Variants in KLHL26 observed in about 807,000 individuals in gnomAD.
KLHL26 encodes the protein kelch like family member 26, also known as kelch-like protein 26.
KLHL26 carries 4 observed loss-of-function variants against 7.1 expected under a neutral mutation model. The ratio of observed to expected loss-of-function variants is 0.56; its 90% CI spans 0.28 to 1.28. The LOEUF is 1.28. KLHL26 is among the 50% of genes most tolerant of loss of function. The pLI is 0.11. For missense variants in KLHL26, 896 were observed against 924.6 expected (o/e 0.97, Z 0.40); for synonymous variants, 465 against 414.1 (o/e 1.12, Z -1.49).
chr19:18,640,495 T>G (rs11085236), intron 1 of KLHL26, among the ~76,000 whole-genome samples: 107,982 of 150,842 alleles, frequency 0.72, 39,724 homozygotes, highest in African/African-American at 0.9. Flanking sequence ...TTCCCACCTC[T>G]GCCTCCCAAA....
rs1976850088 is a variant in KLHL26, at chr19:18,648,836, G to C, written c.83+11699G>C. 6.6e-6 allele frequency among the ~76,000 whole-genome samples: 1 copy of C among 152,050 alleles called. No individual in the cohort carries two copies. Among genetic ancestry groups the C allele is most frequent in the African/African-American group, 2.4e-5 (1 of 41,400 alleles). On this transcript the variant is annotated intron_variant, in intron 1 of 2. Transcript: ENST00000300976. The surrounding 1 kb of genome is among the most constrained non-coding windows in gnomAD (Gnocchi z 4.9). ...CCACAGCCTGGAGCCAGCTCCTCCT[G>C]CTCTCTCCTCCCCATCCCAGCTCAG...
chr19:18,669,400 C>G lies in KLHL26; in HGVS notation c.*155C>G. 1.6e-6 allele frequency: 1 copy of G among 617,872 alleles called. No individual in the cohort carries two copies. Among genetic ancestry groups the G allele is most frequent in the Non-Finnish European group, 2.8e-6 (1 of 352,610 alleles). The allele number at this position is 617,872 out of a possible 1,614,324, so 38.3% of individuals were successfully genotyped here. On this transcript the variant is annotated 3_prime_UTR_variant, in exon 3 of 3. Coordinates refer to ENST00000300976, the MANE Select transcript of KLHL26 (RefSeq NM_018316.3). ...ATAAGCCCCCCTCCCAGGGGTCCCT[C>G]CCTCCCTCCTTCCCAAAGCAGATCC...
chr19:18,639,824 C>T (rs1367005141), intron 1 of KLHL26, among the ~76,000 whole-genome samples: 1 of 152,128 alleles, frequency 6.6e-6, no homozygotes, highest in Non-Finnish European at 1.5e-5. Context: ...GCAATTAACC[C>T]TGCTCCACCA....
chr19:18,637,116 C>T lies in KLHL26; in HGVS notation c.62C>T (p.Pro21Leu). The T allele has an allele frequency of 2.2e-6, 3 of 1,361,702 alleles. No homozygotes were observed. The highest frequency in any genetic ancestry group is 1.8e-5 in the South Asian group (1 of 55,290). 84.4% of individuals were successfully genotyped at this position (1,361,702 alleles called of 1,614,324 possible). Residue 21 changes from proline to leucine, a missense_variant, in exon 1 of 3, where the codon CCG (proline) becomes CTG (leucine). Physicochemically the swap from Pro to Leu is moderately conservative, Grantham distance 98. Transcript: ENST00000300976. ...AGGGGAFGAG[P>L]GPERPNSTAD... ...GGCGGCGGCGCTTTCGGCGCGGGCC[C>T]GGGCCCCGAGCGCCCGAACAGGTGA...
chr19:18,637,555 G>T (rs1224076822), intron 1 of KLHL26, among the ~76,000 whole-genome samples: 1 of 152,092 alleles, frequency 6.6e-6, no homozygotes, highest in African/African-American at 2.4e-5. Flanking sequence ...AAGGCCCAAG[G>T]CATCCTGGGA....
intron 1 of KLHL26, among the ~76,000 whole-genome samples, chr19:18,644,286 C>T (rs1421664856): frequency 6.6e-6 from 1 of 152,224 alleles, no homozygotes. Context: ...GGATGCACCA[C>T]ATCATCCATT....
intron 1 of KLHL26, among the ~76,000 whole-genome samples, chr19:18,658,515 C>CT (rs1416717738): frequency 6.6e-6 from 1 of 151,836 alleles, no homozygotes; most frequent in East Asian, 1.9e-4. Context: ...CTCTGGGTCT[C>CT]TGTCTCTCCC....
chr19:18,652,411 G>A (rs560420382), intron 1 of KLHL26, among the ~76,000 whole-genome samples: 2 of 152,138 alleles, frequency 1.3e-5, no homozygotes, highest in Non-Finnish European at 2.9e-5. Context: ...TCAATGTGAT[G>A]AAACCTCGTC....
At chr19:18,665,295 AGCC>A (rs2052436578) in intron 2 of KLHL26, among the ~76,000 whole-genome samples, 1 of 151,992 alleles carries the variant, frequency 6.6e-6, no homozygotes. Context: ...TGACCTCATG[AGCC>A]ACCTGCCTCA....
chr19:18,667,560 G>C, intron 2 of KLHL26, 104 bp from the exon 3 acceptor site: 2 of 1,506,712 alleles, frequency 1.3e-6, no homozygotes, highest in Non-Finnish European at 1.8e-6. Flanking sequence ...GCTGTGCCCT[G>C]TGTTCTGTGT....
rs1302901010 is a variant in KLHL26 at position 18,668,190 on chromosome 19, G to A, written c.793G>A (p.Val265Met). ...LMQSSELVDS[V>M]QTLDIMVEDV... The stretch of plus-strand genomic sequence containing the variant: ...GCAGTCGTCCGAGCTGGTGGACAGC[G>A]TGCAGACGCTGGACATCATGGTGGA... The change falls in exon 3 of 3, where the codon GTG becomes ATG. Residue 265 changes from valine to methionine, a missense_variant. Physicochemically the swap from Val to Met is conservative, Grantham distance 21. Transcript: ENST00000300976. 6.2e-6 allele frequency: 10 copies of A among 1,611,166 alleles called. No homozygotes were observed. The highest frequency in any genetic ancestry group is 1.3e-5 in the African/African-American group (1 of 74,932).
intron 1 of KLHL26, among the ~76,000 whole-genome samples, chr19:18,651,142 G>C (rs1025472137): frequency 1.3e-5 from 2 of 152,172 alleles, no homozygotes; most frequent in Non-Finnish European, 2.9e-5. Flanking sequence ...GGGGTGCAAG[G>C]TCTGAAGGCT....
chr19:18,644,963 C>T (rs1334788611), intron 1 of KLHL26, among the ~76,000 whole-genome samples: 3 of 152,108 alleles, frequency 2.0e-5, no homozygotes, highest in African/African-American at 7.2e-5. Context: ...TTGTTTGTTC[C>T]AACTTCTGTC....
chr19:18,667,443 A>G, intron 2 of KLHL26: 1 of 663,936 alleles, frequency 1.5e-6, no homozygotes, highest in Non-Finnish European at 2.5e-6. Context: ...TGATCTCATG[A>G]TCCACCCGCC....
Position 18,668,765 on chromosome 19 carries a change from C to T in KLHL26, c.1368C>T (p.Ala456=), listed in dbSNP as rs373359531. The T allele has an allele frequency of 1.5e-4, 241 of 1,592,150 alleles. 2 individuals carry two copies. The East Asian group carries it at 5.2e-3, about 35-fold the overall frequency. ...LKRRTWGHAG[A]ASGGRLYISG... ...GCCGTACCTGGGGCCATGCTGGGGC[C>T]GCCTCAGGGGGCCGCCTCTACATCT... is the stretch of plus-strand genomic sequence containing the variant. Residue 456 remains alanine, a synonymous_variant, in exon 3 of 3, where the codon GCC becomes GCT. Transcript: ENST00000300976.
chr19:18,665,584 C>A (rs2052439534), intron 2 of KLHL26, among the ~76,000 whole-genome samples: 1 of 152,236 alleles, frequency 6.6e-6, no homozygotes, highest in African/African-American at 2.4e-5. Flanking sequence ...GTTCTCCTCC[C>A]TGTCTCCCTG....
chr19:18,642,338 A>T (rs1432773516), intron 1 of KLHL26, among the ~76,000 whole-genome samples: 13 of 123,886 alleles, frequency 1.0e-4, no homozygotes, highest in African/African-American at 4.3e-4. Flanking sequence ...CTAGTCACCT[A>T]GTGTGTGTGT....
intron 1 of KLHL26, among the ~76,000 whole-genome samples, chr19:18,660,109 C>G (rs1436272608): frequency 2.6e-5 from 4 of 152,172 alleles, no homozygotes; most frequent in African/African-American, 9.7e-5. Flanking sequence ...GGAGTTTACC[C>G]CACCCAGGCT....
In KLHL26 at chr19:18,656,534, G is replaced by A. The variant is rs2052335590; in HGVS notation, c.84-7727G>A. On this transcript the variant is annotated intron_variant, in intron 1 of 2. Coordinates refer to ENST00000300976, the MANE Select transcript of KLHL26 (RefSeq NM_018316.3). This position sits in a 1 kb window ranked among gnomAD's most constrained non-coding sequence, Gnocchi z 4.4. ...TGTCCCCACCCAGCAGGCACAGACA[G>A]GCTGAAGCCAAGGACAGACAGGCAG... Among the ~76,000 whole-genome samples, 1 of 152,262 alleles carries A rather than the reference G, an allele frequency of 6.6e-6. No individual in the cohort carries two copies. Among genetic ancestry groups the A allele is most frequent in the East Asian group, 1.9e-4 (1 of 5,182 alleles).
Sources: gnomAD v4.1 joint callset for allele counts (sites outside exome capture counted in the v4.1 genomes callset) on GRCh38, gnomAD v4.1.1 for gene constraint, Gnocchi (gnomAD v3.1) non-coding constraint, MANE v1.5 for transcripts, NCBI Gene and HGNC (gene_info 2026-07-23, HGNC 2026-07-21) for gene names.